Variants in CLEC9A observed in about 807,000 individuals in gnomAD.
The protein encoded by CLEC9A is C-type lectin domain family 9 member A.
Under a neutral mutation model 30.0 loss-of-function variants are expected in CLEC9A, and 24 were observed. That is an observed-to-expected ratio of 0.80 (90% CI 0.58 to 1.13). The LOEUF is 1.13. CLEC9A is among the 50% of genes most tolerant of loss of function. CLEC9A has a pLI of 0.00. For missense variants in CLEC9A, 251 were observed against 280.9 expected (o/e 0.89, Z 0.76); for synonymous variants, 111 against 96.8 (o/e 1.15, Z -0.86).
intron 1 of CLEC9A, among the ~76,000 whole-genome samples, chr12:10,040,560 C>T (rs1289111849): frequency 6.6e-6 from 1 of 151,818 alleles, no homozygotes; most frequent in African/African-American, 2.4e-5. Flanking sequence ...ACGCCATTCT[C>T]CTGCCTCAGC....
At chr12:10,061,639 T>C (rs1308840336) in intron 6 of CLEC9A, among the ~76,000 whole-genome samples, 1 of 152,218 alleles carries the variant, frequency 6.6e-6, no homozygotes, top group Non-Finnish European at 1.5e-5. Context: ...AGTTTAGATA[T>C]TGTTTTAGAT....
chr12:10,052,575 A>C, intron 3 of CLEC9A, 55 bp from the exon 4 acceptor site: 1 of 1,494,020 alleles, frequency 6.7e-7, no homozygotes, highest in Non-Finnish European at 8.9e-7. Context: ...TTTTCCCACT[A>C]CTGTGAAAAT....
At chr12:10,063,265 A>C (rs1866013412) in intron 7 of CLEC9A, 59 bp downstream of exon 7, 1 of 1,409,326 alleles carries the variant, frequency 7.1e-7, no homozygotes, top group Non-Finnish European at 9.3e-7. Context: ...TTATTAAAAG[A>C]AATCCCTCAT....
chr12:10,053,801 T>C (rs189039661), intron 4 of CLEC9A, among the ~76,000 whole-genome samples: 1 of 152,260 alleles, frequency 6.6e-6, no homozygotes, highest in African/African-American at 2.4e-5. Context: ...TTGTTCGTCT[T>C]CCAAAAAATG....
chr12:10,057,341 CAT>C (rs1865952063), intron 5 of CLEC9A, among the ~76,000 whole-genome samples: 4 of 151,642 alleles, frequency 2.6e-5, no homozygotes, highest in Non-Finnish European at 5.9e-5. Context: ...AAATTATATA[CAT>C]ATATATTTTT....
At chr12:10,042,937 C>T (rs533296941) in intron 2 of CLEC9A, among the ~76,000 whole-genome samples, 2 of 152,108 alleles carry the variant, frequency 1.3e-5, no homozygotes, top group East Asian at 3.9e-4. Flanking sequence ...AAGTATAATC[C>T]TCAATTGATT....
In CLEC9A at chr12:10,065,398, C is replaced by T. The variant is rs1866034536; in HGVS notation, c.594-102C>T. On this transcript the variant is annotated intron_variant, in intron 8 of 8. Coordinates refer to ENST00000355819, the MANE Select transcript of CLEC9A (RefSeq NM_207345.4). ...CCACCACAGGAAGTTGCTGTGTCAA[C>T]ACAAAACAAAACAAGCAGCTACACA... is the stretch of plus-strand genomic sequence containing the variant. 2.2e-6 allele frequency: 3 copies of T among 1,375,856 alleles called. No individual in the cohort carries two copies. In the Admixed American group the frequency reaches 7.1e-5, roughly 33 times the overall value. 85.2% of individuals were successfully genotyped at this position (1,375,856 alleles called of 1,614,324 possible).
chr12:10,035,897 G>A (rs543883049), intron 1 of CLEC9A, among the ~76,000 whole-genome samples: 2 of 152,322 alleles, frequency 1.3e-5, no homozygotes, highest in Admixed American at 1.3e-4. Flanking sequence ...TAGCCACCAT[G>A]CCCGGTGCCT....
intron 2 of CLEC9A, 114 bp downstream of exon 2, chr12:10,041,734 T>G (rs566663534): frequency 8.7e-6 from 4 of 457,796 alleles, no homozygotes; most frequent in African/African-American, 8.0e-5. Context: ...TTTGTACTAA[T>G]CTAAGAACTT....
intron 5 of CLEC9A, among the ~76,000 whole-genome samples, chr12:10,059,601 T>C (rs1237594585): frequency 1.3e-5 from 2 of 152,150 alleles, no homozygotes; most frequent in Non-Finnish European, 2.9e-5. Context: ...ATACATACTC[T>C]GCAAAAGACA....
intron 8 of CLEC9A, among the ~76,000 whole-genome samples, chr12:10,065,163 C>T (rs1866032649): frequency 6.6e-6 from 1 of 152,150 alleles, no homozygotes; most frequent in Non-Finnish European, 1.5e-5. Flanking sequence ...TTTATTTCCA[C>T]ATTAAGCTTT....
intron 1 of CLEC9A, chr12:10,040,897 A>G: frequency 4.7e-6 from 1 of 212,270 alleles, no homozygotes. Context: ...ATCTCTCAGG[A>G]ACTCTGCAAC....
At chr12:10,042,804 G>A (rs747314076) in intron 2 of CLEC9A, among the ~76,000 whole-genome samples, 3 of 152,132 alleles carry the variant, frequency 2.0e-5, no homozygotes, top group African/African-American at 4.8e-5. Flanking sequence ...GGCAAGCTAA[G>A]CAATAAAACC....
intron 5 of CLEC9A, among the ~76,000 whole-genome samples, chr12:10,056,037 T>C (rs1314442322): frequency 1.8e-5 from 2 of 111,302 alleles, no homozygotes; most frequent in Admixed American, 1.4e-4. Context: ...CCAGCCTGGG[T>C]GACAGAGTGA....
chr12:10,039,528 G>A (rs1865772747), intron 1 of CLEC9A, among the ~76,000 whole-genome samples: 1 of 152,098 alleles, frequency 6.6e-6, no homozygotes, highest in African/African-American at 2.4e-5. Flanking sequence ...CATATCCTAA[G>A]AATCAGCCAA....
At chr12:10,036,131 G>C (rs1181819620) in intron 1 of CLEC9A, among the ~76,000 whole-genome samples, 1 of 151,804 alleles carries the variant, frequency 6.6e-6, no homozygotes, top group Non-Finnish European at 1.5e-5. Context: ...CTTTGTGATA[G>C]GACTGCAGTC....
chr12:10,046,931 A>T (rs1194477321), intron 2 of CLEC9A, among the ~76,000 whole-genome samples: 2 of 152,328 alleles, frequency 1.3e-5, no homozygotes, highest in African/African-American at 4.8e-5. Context: ...GACCTTGCTC[A>T]TAGGTAATTG....
intron 2 of CLEC9A, among the ~76,000 whole-genome samples, chr12:10,047,743 A>G (rs1359969097): frequency 2.6e-5 from 4 of 152,238 alleles, no homozygotes; most frequent in African/African-American, 4.8e-5. Context: ...CAATAGCACT[A>G]TGTCTACAAA....
intron 1 of CLEC9A, among the ~76,000 whole-genome samples, chr12:10,040,686 G>A (rs1481984753): frequency 7.3e-5 from 11 of 151,724 alleles, no homozygotes; most frequent in Admixed American, 7.2e-4. Context: ...TCCTTACCTC[G>A]TGATCCGCCC....
Sources: gnomAD v4.1 joint callset for allele counts (sites outside exome capture counted in the v4.1 genomes callset) on GRCh38, gnomAD v4.1.1 for gene constraint, MANE v1.5 for transcripts, NCBI Gene and HGNC (gene_info 2026-07-23, HGNC 2026-07-21) for gene names.